ITGB1: variants seen among roughly 807,000 people sequenced by gnomAD.
The protein encoded by ITGB1 is integrin subunit beta 1.
In ITGB1, 24 loss-of-function variants were observed where a neutral mutation model predicts 86.5. The ratio of observed to expected loss-of-function variants is 0.28; its 90% CI spans 0.20 to 0.39. The LOEUF (loss-of-function observed/expected upper bound fraction) is 0.39, where lower values mean the gene tolerates loss of function less well. ITGB1 is among the 10% of genes least tolerant of loss of function. The probability of loss-of-function intolerance (pLI) is 1.00; values close to 1 mark genes in which losing one functional copy is unlikely to be tolerated. For synonymous variants in ITGB1, 323 were observed against 316.8 expected (o/e 1.02, Z -0.21); for missense variants, 556 against 946.9 (o/e 0.59, Z 5.42).
At chr10:32,903,368 A>AAG (rs1441054057) in intron 15 of ITGB1, among the ~76,000 whole-genome samples, 1 of 151,292 alleles carries the variant, frequency 6.6e-6, no homozygotes, top group Non-Finnish European at 1.5e-5. Context: ...AAAAAAAAAA[A>AAG]AAAAAGAGGA....
chr10:32,932,259 C>T (rs982776429), intron 3 of ITGB1, among the ~76,000 whole-genome samples: 1 of 151,980 alleles, frequency 6.6e-6, no homozygotes, highest in Admixed American at 6.6e-5. Flanking sequence ...TATCATTTCA[C>T]CATTATTATT....
At chr10:32,928,481 G>A (rs901848453) in intron 4 of ITGB1, among the ~76,000 whole-genome samples, 4 of 152,142 alleles carry the variant, frequency 2.6e-5, no homozygotes, top group African/African-American at 4.8e-5. Context: ...AGGATGCAAA[G>A]ATAAAAAAGA....
In ITGB1 at chr10:32,911,530, C is replaced by T. The variant is rs746293620; in HGVS notation, c.1849G>A (p.Val617Ile). ...AACTTCGGATCTGTACACTTACAGA[C>T]ACCACACTCGCAGATGCCCCGGCCA... ...CNGRGICECG[V>I]CKCTDPKFQG... is the part of the protein sequence containing the mutation. The change falls in exon 13 of 16, where the codon GTC (valine) becomes ATC (isoleucine). Residue 617 changes from valine to isoleucine, a missense_variant. Physicochemically the swap from Val to Ile is conservative, Grantham distance 29. Coordinates refer to ENST00000302278, the MANE Select transcript of ITGB1 (RefSeq NM_002211.4). The T allele has an allele frequency of 1.5e-5, 25 of 1,613,912 alleles. No homozygotes were observed. The highest frequency in any genetic ancestry group is 2.0e-5 in the Non-Finnish European group (24 of 1,179,896).
intron 3 of ITGB1, among the ~76,000 whole-genome samples, chr10:32,930,528 T>G (rs1287718143): frequency 6.6e-6 from 1 of 152,192 alleles, no homozygotes; most frequent in Non-Finnish European, 1.5e-5. Context: ...TCTCAATTAA[T>G]TATTGCATTT....
intron 1 of ITGB1, among the ~76,000 whole-genome samples, chr10:32,940,606 C>G (rs2137249511): frequency 6.6e-6 from 1 of 152,144 alleles, no homozygotes; most frequent in East Asian, 1.9e-4. Context: ...CCATCACTGA[C>G]CGAAAAGTCA....
chr10:32,922,255 A>G lies in ITGB1; in HGVS notation c.1128+2T>C. The G allele has an allele frequency of 6.5e-7, 1 of 1,542,580 alleles. No homozygotes were observed. Reference sequence around the variant, plus strand: ...AACTGATCTTATTTAAGATGTACTCACATTGTATGCATCAATGATCAACTG... The same window carrying G: ...AACTGATCTTATTTAAGATGTACTCGCATTGTATGCATCAATGATCAACTG... On this transcript the variant is annotated splice_donor_variant, in intron 9 of 15. Transcript: ENST00000302278. LOFTEE classifies it high-confidence loss of function.
chr10:32,906,987 G>T, intron 15 of ITGB1: 4 of 648,270 alleles, frequency 6.2e-6, no homozygotes, highest in South Asian at 4.6e-5. Flanking sequence ...AACAGCAATA[G>T]TGATAAAGGA....
chr10:32,913,043 CA>C (rs1351906675), intron 11 of ITGB1, among the ~76,000 whole-genome samples: 2 of 152,202 alleles, frequency 1.3e-5, no homozygotes, highest in African/African-American at 4.8e-5. Flanking sequence ...GATACTCAGG[CA>C]AACAGGGTCT....
chr10:32,927,123 C>G (rs1040328246), intron 5 of ITGB1, among the ~76,000 whole-genome samples: 2 of 152,166 alleles, frequency 1.3e-5, no homozygotes, highest in African/African-American at 2.4e-5. Context: ...TTAAAAAACA[C>G]TAATTTGATA....
intron 15 of ITGB1, among the ~76,000 whole-genome samples, chr10:32,905,447 T>C (rs761148276): frequency 4.6e-5 from 7 of 152,238 alleles, no homozygotes; most frequent in Non-Finnish European, 1.0e-4. Flanking sequence ...AGCAGCAGTG[T>C]TAACTCTGAC....
In ITGB1 at chr10:32,919,991, C is replaced by G; in HGVS notation, c.1363G>C (p.Glu455Gln). Residue 455 changes from glutamate to glutamine, a missense_variant, in exon 11 of 16, where the codon GAG becomes CAG. This residue lies in a region of ITGB1 where 330 missense variants were observed against 531.5 expected (regional missense o/e 0.62). Transcript: ENST00000302278. Reference sequence around the variant, plus strand: ...TCACAGATGTACTGAAGAATAACCTCTACTTCCTCCGTAAAGCCCAGAGGC... The same window carrying G: ...TCACAGATGTACTGAAGAATAACCTGTACTTCCTCCGTAAAGCCCAGAGGC... The part of the protein sequence containing the change: ...IRPLGFTEEV[E>Q]VILQYICECE... 1 of 1,613,932 alleles carries G rather than the reference C, an allele frequency of 6.2e-7. No individual in the cohort carries two copies. Among genetic ancestry groups the G allele is most frequent in the Non-Finnish European group, 8.5e-7 (1 of 1,179,840 alleles).
rs1445981420 is a variant in ITGB1 at position 32,911,632 on chromosome 10, G to C, written c.1747C>G (p.Pro583Ala). 6.2e-7 allele frequency: 1 copy of C among 1,613,914 alleles called. No homozygotes were observed. Among genetic ancestry groups the C allele is most frequent in the Non-Finnish European group, 8.5e-7 (1 of 1,179,978 alleles). ...VCKCRVCECN[P>A]NYTGSACDCS... ...TCACATGCACTGCCAGTGTAGTTGGGGTTGCACTCACACACACGACACTTG... is the reference window on the plus strand; with the variant it reads ...TCACATGCACTGCCAGTGTAGTTGGCGTTGCACTCACACACACGACACTTG... The change falls in exon 13 of 16, where the codon CCC (proline) becomes GCC (alanine). Residue 583 changes from proline (P) to alanine (A), a missense_variant. By Grantham distance (27) the Pro-to-Ala change is conservative (BLOSUM62 -1). Transcript: ENST00000302278.
At position 32,940,343 on chromosome 10, in the gene ITGB1, C is replaced by CA. The variant is rs35732606; in HGVS notation, c.1-4786dup. On this transcript the variant is annotated intron_variant, in intron 1 of 15. Transcript: ENST00000302278. ...CTGGCGACAGAGCTAGACTCCATCTCAAAAAAAAAAAAAAAAATTAACAAT... is the reference window on the plus strand; with the variant it reads ...CTGGCGACAGAGCTAGACTCCATCTCAAAAAAAAAAAAAAAAAATTAACAAT... Among the ~76,000 whole-genome samples the CA allele has an allele frequency of 9.1e-3, 995 of 108,862 alleles. 4 individuals carry two copies. The highest frequency in any genetic ancestry group is 0.017 in the African/African-American group (548 of 32,342). 71.4% of individuals were successfully genotyped at this position (108,862 alleles called of 152,430 possible).
chr10:32,918,404 C>T (rs1332334567), intron 11 of ITGB1, among the ~76,000 whole-genome samples: 1 of 151,892 alleles, frequency 6.6e-6, no homozygotes, highest in African/African-American at 2.4e-5. Context: ...AAGGGAAAAA[C>T]TGGGAAAGAA....
chr10:32,906,604 T>C (rs1023225432), intron 15 of ITGB1: 12 of 174,124 alleles, frequency 6.9e-5, no homozygotes, highest in African/African-American at 2.4e-4. Context: ...AATAAATAAA[T>C]AAACAGAAAA....
intron 15 of ITGB1, chr10:32,907,272 A>C (rs994927638): frequency 6.5e-6 from 2 of 308,468 alleles, no homozygotes; most frequent in African/African-American, 2.3e-5. Context: ...AAAATTGATA[A>C]TTTTTAAAAA....
At position 32,911,678 on chromosome 10, in the gene ITGB1, T is replaced by G. The variant is rs1003121898; in HGVS notation, c.1709-8A>C. On this transcript the variant is annotated splice_region_variant and splice_polypyrimidine_tract_variant and intron_variant, in intron 12 of 15. Transcript: ENST00000302278. ...ACTTGCAAACACCATTTCCTGCAAT[T>G]AAGCATATCATTTCTCAAAATGGTA... 6.2e-7 allele frequency: 1 copy of G among 1,612,702 alleles called. No homozygotes were observed.
At chr10:32,915,348 A>C (rs1298462696) in intron 11 of ITGB1, among the ~76,000 whole-genome samples, 1 of 152,242 alleles carries the variant, frequency 6.6e-6, no homozygotes, top group Non-Finnish European at 1.5e-5. Context: ...AGACATAAAA[A>C]GCCCTTCAAA....
intron 14 of ITGB1, among the ~76,000 whole-genome samples, chr10:32,909,248 G>A (rs1182893271): frequency 6.6e-6 from 1 of 152,126 alleles, no homozygotes; most frequent in African/African-American, 2.4e-5. Flanking sequence ...CAAAGGTGGA[G>A]AAAAGACAGT....
Sources: gnomAD v4.1 joint callset for allele counts (sites outside exome capture counted in the v4.1 genomes callset) on GRCh38, gnomAD v4.1.1 for gene constraint, gnomAD v4.1.1 regional missense constraint, MANE v1.5 for transcripts, NCBI Gene and HGNC (gene_info 2026-07-23, HGNC 2026-07-21) for gene names.